PTP4A1: variants seen among roughly 807,000 people sequenced by gnomAD.
PTP4A1 encodes the protein protein tyrosine phosphatase 4A1, also known as protein tyrosine phosphatase type IVA 1.
Under a neutral mutation model 20.5 loss-of-function variants are expected in PTP4A1, and 9 were observed. The ratio of observed to expected loss-of-function variants is 0.44; its 90% CI spans 0.26 to 0.77. The LOEUF is 0.77. Ranked by LOEUF, PTP4A1 falls within the 30% of genes least tolerant of loss-of-function variation. The pLI is 0.19. For synonymous variants in PTP4A1, 78 were observed against 67.4 expected (o/e 1.16, Z -0.77); for missense variants, 137 against 218.8 (o/e 0.63, Z 2.36).
chr6:63,519,493 A>G (rs1176510761), upstream of PTP4A1, among the ~76,000 whole-genome samples: 1 of 152,202 alleles, frequency 6.6e-6, no homozygotes, highest in Non-Finnish European at 1.5e-5. Context: ...GGTGAGGGAA[A>G]TACTAATGAT....
At chr6:63,571,094 G>A (rs750212804), upstream of PTP4A1, 1 of 152,088 alleles carries the variant, frequency 6.6e-6, no homozygotes, top group Non-Finnish European at 1.5e-5. Flanking sequence ...ATGTGTCGTA[G>A]GTGAGCCATT....
chr6:63,570,874 AG>A (rs1430124061), upstream of PTP4A1: 1 of 152,202 alleles, frequency 6.6e-6, no homozygotes, highest in Non-Finnish European at 1.5e-5. Flanking sequence ...GCCATATAAA[AG>A]TTTTTAGTTC....
chr6:63,523,163 G>A (rs1775008290), intron 1 of PTP4A1, among the ~76,000 whole-genome samples: 1 of 152,000 alleles, frequency 6.6e-6, no homozygotes, highest in Admixed American at 6.6e-5. Flanking sequence ...ATAGTACCCA[G>A]CCGAATCACT....
chr6:63,536,236 A>G (rs562178144), intron 2 of PTP4A1, among the ~76,000 whole-genome samples: 119 of 152,288 alleles, frequency 7.8e-4, no homozygotes, highest in African/African-American at 2.8e-3. Context: ...AGGCTGAGGC[A>G]GGAGAATCGC....
chr6:63,557,316 A>C (rs1310422451), intron 3 of PTP4A1, among the ~76,000 whole-genome samples: 2 of 152,230 alleles, frequency 1.3e-5, no homozygotes, highest in African/African-American at 4.8e-5. Context: ...CTGTAATCCC[A>C]GAACTTTGGG....
chr6:63,578,804 T>G, intron 3 of PTP4A1, 94 bp from the exon 4 acceptor site: 1 of 1,257,078 alleles, frequency 8.0e-7, no homozygotes, highest in African/African-American at 1.6e-5. Context: ...AAAATGAGAA[T>G]GCTTTTGAAA....
At position 63,580,151 on chromosome 6, in the gene PTP4A1, A is replaced by G; in HGVS notation, c.499A>G (p.Arg167Gly). ...GCGTTTCAAAGATTCCAACGGTCAT[A>G]GAAACAACTGTTGCATTCAATAAAA... ...RLRFKDSNGH[R>G]NNCCIQ is the part of the protein sequence containing the mutation. Residue 167 changes from arginine (R) to glycine (G), a missense_variant, in exon 6 of 6, where the codon AGA becomes GGA. By Grantham distance (125) the Arg-to-Gly change is moderately radical. Transcript: ENST00000626021. The G allele has an allele frequency of 1.2e-6, 2 of 1,612,308 alleles. No individual in the cohort carries two copies. The highest frequency in any genetic ancestry group is 1.7e-6 in the Non-Finnish European group (2 of 1,178,474).
At chr6:63,541,687 A>C (rs1424723483) in intron 2 of PTP4A1, among the ~76,000 whole-genome samples, 1 of 152,192 alleles carries the variant, frequency 6.6e-6, no homozygotes, top group Non-Finnish European at 1.5e-5. Context: ...AATTAGAAGC[A>C]ATCAGAAGGG....
chr6:63,575,160 A>G (rs1777772851), intron 1 of PTP4A1, among the ~76,000 whole-genome samples: 1 of 152,226 alleles, frequency 6.6e-6, no homozygotes, highest in South Asian at 2.1e-4. Flanking sequence ...TAAAATGGAA[A>G]TGGGAGCAGA....
intron 2 of PTP4A1, among the ~76,000 whole-genome samples, chr6:63,531,370 T>G (rs1431051849): frequency 6.7e-6 from 1 of 148,744 alleles, no homozygotes; most frequent in African/African-American, 2.5e-5. Context: ...AATAAAAAAT[T>G]TATTCCAAAA....
At chr6:63,541,713 T>A (rs1775981671) in intron 2 of PTP4A1, among the ~76,000 whole-genome samples, 1 of 152,154 alleles carries the variant, frequency 6.6e-6, no homozygotes, top group Non-Finnish European at 1.5e-5. Context: ...CCCTACTGTC[T>A]CCATCCAACT....
intron 2 of PTP4A1, among the ~76,000 whole-genome samples, chr6:63,529,193 A>G (rs557010070): frequency 3.1e-4 from 44 of 140,940 alleles, no homozygotes; most frequent in South Asian, 1.3e-3. Context: ...ATATGTGTGT[A>G]TATATATATA....
At chr6:63,541,763 C>T (rs887253353) in intron 2 of PTP4A1, among the ~76,000 whole-genome samples, 13 of 152,128 alleles carry the variant, frequency 8.5e-5, no homozygotes, top group African/African-American at 2.9e-4. Flanking sequence ...TTTACCATCT[C>T]TTCCTACTAC....
At chr6:63,579,104 TAATTTTTTA>T in intron 4 of PTP4A1, 76 bp downstream of exon 4, 1 of 1,406,354 alleles carries the variant, frequency 7.1e-7, no homozygotes, top group Non-Finnish European at 9.4e-7. Context: ...AAAATTCTTA[TAATTTTTTA>T]ATATAAAGTC....
At chr6:63,549,096 G>T in intron 2 of PTP4A1, 1 of 706,616 alleles carries the variant, frequency 1.4e-6, no homozygotes, top group Non-Finnish European at 2.6e-6. Flanking sequence ...GTTAACTCCT[G>T]CTCGAAGGAC....
upstream of PTP4A1, chr6:63,571,073 A>C (rs200939248): frequency 1.1e-4 from 16 of 152,308 alleles, no homozygotes; most frequent in East Asian, 3.1e-3. Flanking sequence ...CCTTGATTTT[A>C]ATGGATTAAA....
At chr6:63,522,403 C>G (rs1294160313) in intron 1 of PTP4A1, among the ~76,000 whole-genome samples, 1 of 151,870 alleles carries the variant, frequency 6.6e-6, no homozygotes, top group Non-Finnish European at 1.5e-5. Flanking sequence ...ATAAGTAGTC[C>G]CTGCAGGAGA....
chr6:63,536,119 G>A (rs941150558), intron 2 of PTP4A1, among the ~76,000 whole-genome samples: 2 of 151,916 alleles, frequency 1.3e-5, no homozygotes, highest in African/African-American at 2.4e-5. Flanking sequence ...ATCACCTGAG[G>A]CCAACAGTTC....
At chr6:63,555,743 G>C (rs1316138682) in intron 3 of PTP4A1, among the ~76,000 whole-genome samples, 1 of 150,238 alleles carries the variant, frequency 6.7e-6, no homozygotes, top group Non-Finnish European at 1.5e-5. Context: ...ACCCAGCCTG[G>C]AGTGCAATGG....
Sources: allele counts gnomAD v4.1 joint callset (sites outside exome capture counted in the v4.1 genomes callset), GRCh38; gene constraint gnomAD v4.1.1; transcripts MANE v1.5; gene names NCBI Gene and HGNC (gene_info 2026-07-23, HGNC 2026-07-21).